CHSY3: variants seen among roughly 807,000 people sequenced by gnomAD.
CHSY3 encodes the protein N-acetylgalactosaminyl-proteoglycan 3-beta-glucuronosyltransferase 3.
Under a neutral mutation model 67.2 loss-of-function variants are expected in CHSY3, and 35 were observed. That is an observed-to-expected ratio of 0.52 (90% confidence interval 0.40 to 0.69). The LOEUF is 0.69. Among genes scored for constraint, CHSY3 ranks in the 30% least tolerant of loss-of-function variants. The pLI is 0.00. For synonymous variants in CHSY3, 474 were observed against 434.7 expected, an observed-to-expected ratio of 1.09 and a Z score of -1.12; for missense variants, 1,069 against 1,138.5, an observed-to-expected ratio of 0.94 and a Z score of 0.88.
At chr5:130,040,795 G>GT (rs1764986788) in intron 2 of CHSY3, among the ~76,000 whole-genome samples, 1 of 152,070 alleles carries the variant, frequency 6.6e-6, no homozygotes, top group South Asian at 2.1e-4. Flanking sequence ...AGGAAAAGCT[G>GT]TTTTTTCAAG....
intron 2 of CHSY3, among the ~76,000 whole-genome samples, chr5:130,106,735 T>G (rs1462981206): frequency 6.6e-6 from 1 of 151,606 alleles, no homozygotes; most frequent in Non-Finnish European, 1.5e-5. Flanking sequence ...AAATTTATAA[T>G]CTCAGCTGTC....
rs532286479 is a variant in CHSY3 at position 129,979,873 on chromosome 5, A to G, written c.1086+71513A>G. On this transcript the variant is annotated intron_variant, in intron 2 of 2. Coordinates refer to ENST00000305031, the MANE Select transcript of CHSY3 (RefSeq NM_175856.5). ...TACATAACCTTTTTCGCTTGGTTTT[A>G]TTCACTTAATAATGTGCATTTAAGA... is the stretch of plus-strand genomic sequence containing the variant. Among the ~76,000 whole-genome samples the G allele has an allele frequency of 2.0e-5, 3 of 152,262 alleles. No individual in the cohort carries two copies. The South Asian group carries it at 6.2e-4, about 32-fold the overall frequency.
chr5:130,185,783 C>G lies in CHSY3; in HGVS notation c.2641C>G (p.Leu881Val). Residue 881 changes from leucine (L) to valine (V), a missense_variant, in exon 3 of 3, where the codon CTC becomes GTC. By Grantham distance (32) the Leu-to-Val change is conservative (BLOSUM62 1). Coordinates refer to ENST00000305031, the MANE Select transcript of CHSY3 (RefSeq NM_175856.5). ...TTTAGGTGTCAGGTACAATCGAACTCTCTCCTGACAGTCCAGGCAACACAT... is the reference window on the plus strand; with the variant it reads ...TTTAGGTGTCAGGTACAATCGAACTGTCTCCTGACAGTCCAGGCAACACAT... ...KHLGVRYNRTLS is the reference protein window; with the variant it reads ...KHLGVRYNRTVS 4 of 1,586,188 alleles carry G rather than the reference C, an allele frequency of 2.5e-6. No individual in the cohort carries two copies. The highest frequency in any genetic ancestry group is 2.3e-5 in the South Asian group (2 of 87,208).
intron 2 of CHSY3, among the ~76,000 whole-genome samples, chr5:129,983,851 T>C (rs557729634): frequency 2.0e-5 from 3 of 152,242 alleles, no homozygotes; most frequent in Admixed American, 1.3e-4. Flanking sequence ...ATATGTAGAA[T>C]TATATCTGAA....
chr5:130,021,916 T>C (rs1764403476), intron 2 of CHSY3, among the ~76,000 whole-genome samples: 1 of 152,140 alleles, frequency 6.6e-6, no homozygotes, highest in Admixed American at 6.5e-5. Context: ...TGCCAATATA[T>C]GTAATTATGT....
chr5:129,911,298 T>A (rs1242179569), intron 2 of CHSY3, among the ~76,000 whole-genome samples: 2 of 152,124 alleles, frequency 1.3e-5, no homozygotes, highest in Admixed American at 6.6e-5. Flanking sequence ...CTATTAAAAA[T>A]ATGTTGTAAA....
intron 1 of CHSY3, among the ~76,000 whole-genome samples, chr5:129,907,665 G>T (rs112070817): frequency 6.6e-6 from 1 of 152,062 alleles, no homozygotes; most frequent in African/African-American, 2.4e-5. Context: ...AACCAATTAT[G>T]AGTAAAAAAT....
intron 2 of CHSY3, among the ~76,000 whole-genome samples, chr5:129,916,202 T>G (rs1760724020): frequency 6.6e-6 from 1 of 152,208 alleles, no homozygotes; most frequent in Non-Finnish European, 1.5e-5. Context: ...ACAGGAAGTT[T>G]GAGATATGCA....
At chr5:130,139,012 T>C (rs190222347) in intron 2 of CHSY3, among the ~76,000 whole-genome samples, 2 of 152,340 alleles carry the variant, frequency 1.3e-5, no homozygotes, top group East Asian at 3.9e-4. Flanking sequence ...CTATATGGTA[T>C]AGCCTATTGC....
intron 2 of CHSY3, chr5:130,002,244 G>A (rs1463226434): frequency 6.1e-6 from 1 of 163,156 alleles, no homozygotes; most frequent in Non-Finnish European, 1.3e-5. Flanking sequence ...GCATAGCCCA[G>A]GATCAAAAAA....
At chr5:130,143,971 A>G (rs1220905654) in intron 2 of CHSY3, among the ~76,000 whole-genome samples, 1 of 150,678 alleles carries the variant, frequency 6.6e-6, no homozygotes, top group African/African-American at 2.4e-5. Flanking sequence ...TAAATATTAA[A>G]CTTCAGAGTG....
chr5:129,973,136 C>G (rs1762692650), intron 2 of CHSY3, among the ~76,000 whole-genome samples: 1 of 151,870 alleles, frequency 6.6e-6, no homozygotes, highest in Non-Finnish European at 1.5e-5. Flanking sequence ...GTTTATGAAA[C>G]CTTTGTGTCA....
chr5:129,956,687 C>T (rs1008659803), intron 2 of CHSY3, among the ~76,000 whole-genome samples: 1 of 151,916 alleles, frequency 6.6e-6, no homozygotes, highest in Non-Finnish European at 1.5e-5. Flanking sequence ...ATATGGCTAG[C>T]CAGTTATCCC....
intron 2 of CHSY3, among the ~76,000 whole-genome samples, chr5:130,106,985 T>C (rs945047252): frequency 3.3e-5 from 5 of 151,510 alleles, no homozygotes; most frequent in African/African-American, 1.2e-4. Context: ...ATGAATGACA[T>C]TTAATTAACA....
At chr5:130,043,017 A>T (rs1038881117) in intron 2 of CHSY3, among the ~76,000 whole-genome samples, 1 of 152,072 alleles carries the variant, frequency 6.6e-6, no homozygotes, top group Admixed American at 6.6e-5. Flanking sequence ...TAAAGCTGGA[A>T]ATTTTTGCAA....
At chr5:129,915,662 A>G (rs979079238) in intron 2 of CHSY3, among the ~76,000 whole-genome samples, 38 of 152,124 alleles carry the variant, frequency 2.5e-4, no homozygotes, top group African/African-American at 8.2e-4. Flanking sequence ...TTGCAAAGCT[A>G]TTTGTTTATT....
intron 2 of CHSY3, among the ~76,000 whole-genome samples, chr5:129,935,875 G>A (rs550804523): frequency 2.0e-5 from 3 of 152,160 alleles, no homozygotes; most frequent in African/African-American, 7.2e-5. Flanking sequence ...TCTATTCAAT[G>A]CATTTTTAAA....
chr5:129,953,599 G>T (rs1439388153), intron 2 of CHSY3, among the ~76,000 whole-genome samples: 8 of 152,154 alleles, frequency 5.3e-5, no homozygotes, highest in African/African-American at 1.9e-4. Context: ...CCCACCAACA[G>T]TGTAAAAATG....
intron 2 of CHSY3, among the ~76,000 whole-genome samples, chr5:129,944,395 A>T (rs1010486366): frequency 2.7e-5 from 4 of 147,788 alleles, no homozygotes; most frequent in Admixed American, 6.7e-5. Flanking sequence ...CAATTAACGA[A>T]TTTTTTTTTT....
Sources: allele counts gnomAD v4.1 joint callset (sites outside exome capture counted in the v4.1 genomes callset), GRCh38; gene constraint gnomAD v4.1.1; transcripts MANE v1.5; gene names NCBI Gene and HGNC (gene_info 2026-07-23, HGNC 2026-07-21).